Variants in UPB1 observed in about 807,000 individuals in gnomAD.
The protein encoded by UPB1 is beta-ureidopropionase 1.
A neutral mutation model predicts 49.1 loss-of-function variants in UPB1; 40 were observed. The ratio of observed to expected loss-of-function variants is 0.81; its 90% CI spans 0.63 to 1.06. The LOEUF is 1.06. Ranked by LOEUF, UPB1 falls within the 50% of genes least tolerant of loss-of-function variation. UPB1 has a pLI of 0.00. For synonymous variants in UPB1, 207 were observed against 198.2 expected (o/e 1.04, Z -0.38); for missense variants, 499 against 505.9 (o/e 0.99, Z 0.13).
At chr22:24,502,050 T>A (rs1199627660) in intron 2 of UPB1, 76 bp from the exon 3 acceptor site, 1 of 1,467,250 alleles carries the variant, frequency 6.8e-7, no homozygotes, top group African/African-American at 1.4e-5. Flanking sequence ...GATTTTTCCA[T>A]ATGCATTAGG....
intron 1 of UPB1, among the ~76,000 whole-genome samples, chr22:24,497,730 C>G (rs1477609735): frequency 2.0e-5 from 3 of 152,208 alleles, no homozygotes; most frequent in African/African-American, 7.2e-5. Flanking sequence ...TCTTGTCCTC[C>G]TGGGCAGTGG....
At chr22:24,496,153 G>A (rs985903165) in intron 1 of UPB1, among the ~76,000 whole-genome samples, 4 of 152,114 alleles carry the variant, frequency 2.6e-5, no homozygotes, top group Non-Finnish European at 4.4e-5. Context: ...AAGATTGCTT[G>A]AACTCAGGAG....
intron 3 of UPB1, among the ~76,000 whole-genome samples, chr22:24,508,857 G>A (rs1015181547): frequency 3.3e-5 from 5 of 152,168 alleles, no homozygotes; most frequent in African/African-American, 1.2e-4. Flanking sequence ...CTCCAGCCTG[G>A]GCAACAAGAA....
chr22:24,521,869 T>C (rs1369753028), intron 7 of UPB1, 117 bp from the exon 8 acceptor site: 1 of 1,070,012 alleles, frequency 9.3e-7, no homozygotes, highest in Non-Finnish European at 1.4e-6. Flanking sequence ...ACCTTAACTG[T>C]TTCCTGGCTG....
In UPB1 at chr22:24,515,377, C is replaced by CA; in HGVS notation, c.791+8dup. The CA allele has an allele frequency of 6.2e-7, 1 of 1,614,058 alleles. No homozygotes were observed. Among genetic ancestry groups the CA allele is most frequent in the Non-Finnish European group, 8.5e-7 (1 of 1,179,950 alleles). On this transcript the variant is annotated splice_region_variant and intron_variant, in intron 6 of 9. Transcript: ENST00000326010. Reference sequence around the variant, plus strand: ...CCACGATAGGAGCACTCAGGTCACTCAGTTGGTGGGGTCTGGGGGGCTTCC... The same window carrying CA: ...CCACGATAGGAGCACTCAGGTCACTCAAGTTGGTGGGGTCTGGGGGGCTTCC...
chr22:24,520,439 T>C lies in UPB1; in HGVS notation c.844T>C (p.Phe282Leu). 1 of 1,614,172 alleles carries C rather than the reference T, an allele frequency of 6.2e-7. No individual in the cohort carries two copies. The highest frequency in any genetic ancestry group is 8.5e-7 in the Non-Finnish European group (1 of 1,180,036). ...AAACGCAGCCATTGCCAATCACTGC[T>C]TCACCTGCGCCATCAATCGAGTGGG... ...ARNAAIANHC[F>L]TCAINRVGTE... Residue 282 changes from phenylalanine to leucine, a missense_variant, in exon 7 of 10, where the codon TTC (phenylalanine) becomes CTC (leucine). Transcript: ENST00000326010.
At chr22:24,520,516 C>G (rs752933914) in intron 7 of UPB1, 48 bp downstream of exon 7, 18 of 1,599,384 alleles carry the variant, frequency 1.1e-5, no homozygotes, top group Admixed American at 5.1e-5. Flanking sequence ...CCTGGTGGCT[C>G]TGGTGGGGAC....
intron 7 of UPB1, among the ~76,000 whole-genome samples, chr22:24,521,620 C>T (rs1160976136): frequency 1.3e-5 from 2 of 152,172 alleles, no homozygotes; most frequent in Non-Finnish European, 2.9e-5. Flanking sequence ...TGCCCACTGC[C>T]TTCACACACC....
chr22:24,495,748 A>G (rs1385420326), intron 1 of UPB1, among the ~76,000 whole-genome samples: 1 of 152,020 alleles, frequency 6.6e-6, no homozygotes, highest in Non-Finnish European at 1.5e-5. Context: ...ACCGGAAGGA[A>G]AAGGACGGGA....
chr22:24,499,339 G>T (rs1417089228), intron 1 of UPB1, among the ~76,000 whole-genome samples: 1 of 152,146 alleles, frequency 6.6e-6, no homozygotes, highest in African/African-American at 2.4e-5. Context: ...GCCCTTCCTG[G>T]CTAGGGGCCG....
chr22:24,496,420 C>T (rs866403338), intron 1 of UPB1, among the ~76,000 whole-genome samples: 1 of 150,040 alleles, frequency 6.7e-6, no homozygotes, highest in Non-Finnish European at 1.5e-5. Context: ...CACACACACA[C>T]ACACACGTCT....
intron 4 of UPB1, among the ~76,000 whole-genome samples, chr22:24,511,163 C>T (rs759486226): frequency 2.6e-5 from 4 of 152,262 alleles, no homozygotes; most frequent in Admixed American, 6.5e-5. Context: ...CCAGAGAAGC[C>T]AGTTTCTCAT....
At chr22:24,524,735 G>C in intron 9 of UPB1, among the ~76,000 whole-genome samples, 1 of 152,238 alleles carries the variant, frequency 6.6e-6, no homozygotes, top group Middle Eastern at 3.4e-3. Context: ...AGCAATCCTC[G>C]CACCTCGGGC....
intron 3 of UPB1, 74 bp downstream of exon 3, chr22:24,502,287 C>A: frequency 1.4e-6 from 2 of 1,457,488 alleles, no homozygotes; most frequent in Non-Finnish European, 1.9e-6. Context: ...CCAAGAGTGT[C>A]TGCTGCCTGA....
intron 2 of UPB1, 123 bp from the exon 3 acceptor site, chr22:24,502,002 TC>T: frequency 1.1e-6 from 1 of 949,760 alleles, no homozygotes; most frequent in Non-Finnish European, 1.7e-6. Flanking sequence ...ATATAGAACC[TC>T]CCCACCCTAC....
intron 6 of UPB1, among the ~76,000 whole-genome samples, chr22:24,519,212 A>AT (rs2044346581): frequency 6.6e-6 from 1 of 151,982 alleles, no homozygotes. Flanking sequence ...CAAGCCTGTG[A>AT]TTTTTTATTT....
intron 3 of UPB1, 88 bp downstream of exon 3, chr22:24,502,301 T>G (rs748036102): frequency 7.4e-7 from 1 of 1,360,416 alleles, no homozygotes; most frequent in South Asian, 1.2e-5. Context: ...TGCCTGACTT[T>G]TAAAGAATCT....
rs1443479813 is a variant in UPB1, at chr22:24,502,711, C to T, written c.364+498C>T. 11 of 586,090 alleles carry T rather than the reference C, an allele frequency of 1.9e-5. No homozygotes were observed. In the Admixed American group the frequency reaches 2.7e-4, roughly 15 times the overall value. 36.3% of individuals were successfully genotyped at this position (586,090 alleles called of 1,614,324 possible). A position where few individuals can be genotyped will look rare whatever the true frequency, so the allele number is the denominator to read the frequency against. On this transcript the variant is annotated intron_variant, in intron 3 of 9. Transcript: ENST00000326010. The stretch of plus-strand genomic sequence containing the variant: ...ATAGCTATTATCCCCAGCATCAACA[C>T]TGAGCTAGTTCCTTTGGAATTTACC...
intron 3 of UPB1, 139 bp from the exon 4 acceptor site, chr22:24,510,610 C>CAGGA (rs2044180882): frequency 1.1e-6 from 1 of 890,158 alleles, no homozygotes; most frequent in Middle Eastern, 2.6e-4. Context: ...TGCCCACAGC[C>CAGGA]AGGAACAGGA....
Sources: gnomAD v4.1 joint callset for allele counts (sites outside exome capture counted in the v4.1 genomes callset) on GRCh38, gnomAD v4.1.1 for gene constraint, MANE v1.5 for transcripts, NCBI Gene and HGNC (gene_info 2026-07-23, HGNC 2026-07-21) for gene names.